PLEC: variants seen among roughly 807,000 people sequenced by gnomAD.
PLEC encodes the protein hemidesmosomal protein 1.
In PLEC, 216 loss-of-function variants were observed where a neutral mutation model predicts 392.8. The ratio of observed to expected loss-of-function variants is 0.55; its 90% CI spans 0.49 to 0.62. The LOEUF (loss-of-function observed/expected upper bound fraction) is 0.62, where lower values mean the gene tolerates loss of function less well. PLEC is among the 20% of genes least tolerant of loss of function. The pLI is 0.00. For synonymous variants in PLEC, 3,621 were observed against 2,980.6 expected, an observed-to-expected ratio of 1.21 and a Z score of -7.00; for missense variants, 6,863 against 6,563.4, an observed-to-expected ratio of 1.05 and a Z score of -1.58.
At position 143,920,364 on chromosome 8, in the gene PLEC, G is replaced by A. The variant is rs1554681520; in HGVS notation, c.9457C>T (p.Pro3153Ser). The change falls in exon 32 of 32, where the codon CCC (proline) becomes TCC (serine). Residue 3153 changes from proline to serine, a missense_variant. Transcript: ENST00000345136. Reference sequence around the variant, plus strand: ...CCTCGGGCGCAGGCGACATCCAGGGGCACGCGGTGGCTCTTGCTGGGGTCC... The same window carrying A: ...CCTCGGGCGCAGGCGACATCCAGGGACACGCGGTGGCTCTTGCTGGGGTCC... ...IVDPSKSHRV[P>S]LDVACARGCL... The A allele has an allele frequency of 4.4e-6, 7 of 1,593,652 alleles. No homozygotes were observed. The highest frequency in any genetic ancestry group is 3.4e-5 in the Admixed American group (2 of 58,534).
intron 1 of PLEC, chr8:143,946,506 C>T: frequency 1.4e-6 from 1 of 724,710 alleles, no homozygotes. Context: ...GTAGCAGCGG[C>T]TCCTCCTCGC....
chr8:143,950,107 C>T, intron 1 of PLEC: 2 of 1,446,178 alleles, frequency 1.4e-6, no homozygotes, highest in East Asian at 2.5e-5. Flanking sequence ...CCACTCCAGC[C>T]CAGGCCCAGG....
chr8:143,971,153 T>G (rs1191656941), intron 1 of PLEC, among the ~76,000 whole-genome samples: 1 of 148,790 alleles, frequency 6.7e-6, no homozygotes, highest in African/African-American at 2.5e-5. Context: ...CGTTGTGGGG[T>G]GGGGGGTGAA....
chr8:143,946,407 C>T (rs1554732240), intron 1 of PLEC: 1 of 1,287,322 alleles, frequency 7.8e-7, no homozygotes, highest in Non-Finnish European at 1.0e-6. Context: ...GCCACACAGG[C>T]CAGGCTGCTC....
rs1554670494 is a variant in PLEC, at chr8:143,916,937, G to C, written c.12884C>G (p.Thr4295Ser). The C allele has an allele frequency of 1.2e-6, 2 of 1,612,866 alleles. No homozygotes were observed. Among genetic ancestry groups the C allele is most frequent in the Admixed American group, 1.7e-5 (1 of 60,028 alleles). The change falls in exon 32 of 32, where the codon ACC becomes AGC. Residue 4295 changes from threonine to serine, a missense_variant. Coordinates refer to ENST00000345136, the MANE Select transcript of PLEC (RefSeq NM_201384.3). ...CACCAGGTTCCGGTGCATGGCCTCGGTGATGGACACCTTCTCCAGCGTCTC... is the reference window on the plus strand; with the variant it reads ...CACCAGGTTCCGGTGCATGGCCTCGCTGATGGACACCTTCTCCAGCGTCTC... ...DTETLEKVSI[T>S]EAMHRNLVDN...
At chr8:143,933,919 C>G in intron 12 of PLEC, 79 bp downstream of exon 12, 1 of 1,309,436 alleles carries the variant, frequency 7.6e-7, no homozygotes, top group Admixed American at 1.9e-5. Context: ...GGACAGCCCC[C>G]TCCTGGCTTT....
chr8:143,934,581 T>C (rs1828448608), intron 10 of PLEC, 54 bp downstream of exon 10: 6 of 1,601,998 alleles, frequency 3.7e-6, no homozygotes, highest in Non-Finnish European at 5.1e-6. Context: ...GGAAGAACCT[T>C]TCAGGCCTGG....
chr8:143,926,015 C>G (rs1554704806), intron 30 of PLEC, 131 bp from the exon 31 acceptor site: 1 of 1,068,856 alleles, frequency 9.4e-7, no homozygotes, highest in African/African-American at 1.5e-5. Context: ...AGGCCCCAGC[C>G]CGGCGGAGGA....
upstream of PLEC, chr8:143,950,911 AATCCCTGCC>A (rs1832081930): frequency 3.6e-6 from 4 of 1,114,582 alleles, no homozygotes; most frequent in Admixed American, 6.2e-5. Context: ...GGCTCCGTGC[AATCCCTGCC>A]GGCACTGCCG....
upstream of PLEC, chr8:143,958,635 C>T (rs1290542945): frequency 4.4e-6 from 2 of 451,464 alleles, no homozygotes; most frequent in Non-Finnish European, 8.9e-6. The surrounding 1 kb of genome is among the most constrained non-coding windows in gnomAD (Gnocchi z 4.9). Context: ...TCTCCGAGCA[C>T]AAGCAGGTCC....
chr8:143,920,760 G>A lies in PLEC; in HGVS notation c.9061C>T (p.Arg3021Trp), dbSNP rs782202018. ...AEVDTVRRAL[R>W]GANVIAGVWL... ...ACACCCGCGATGACGTTGGCACCCC[G>A]GAGAGCCCGCCGCACAGTGTCCACC... is the stretch of plus-strand genomic sequence containing the variant. The change falls in exon 32 of 32, where the codon CGG becomes TGG. Residue 3021 changes from arginine to tryptophan, a missense_variant. Physicochemically the swap from Arg to Trp is moderately radical, Grantham distance 101. Transcript: ENST00000345136. 25 of 1,605,740 alleles carry A rather than the reference G, an allele frequency of 1.6e-5. No individual in the cohort carries two copies. The highest frequency in any genetic ancestry group is 1.1e-4 in the East Asian group (5 of 44,886).
In PLEC at chr8:143,924,015, G is replaced by A; in HGVS notation, c.5914C>T (p.Gln1972Ter). The change falls in exon 31 of 32, where the codon CAG becomes TAG. Residue 1972 changes from glutamine (Q) to a stop codon, truncating the protein, a stop_gained. Transcript: ENST00000345136. LOFTEE classifies it high-confidence loss of function. ...TCCTCCTCCGCCGCCAGCTGCCGCTGCCTCGCAGCCTCCAGCTCGGCCTGC... is the reference window on the plus strand; with the variant it reads ...TCCTCCTCCGCCGCCAGCTGCCGCTACCTCGCAGCCTCCAGCTCGGCCTGC... ...KEQAELEAAR[Q>*]RQLAAEEERR... 1 of 1,589,062 alleles carries A rather than the reference G, an allele frequency of 6.3e-7. No homozygotes were observed. The highest frequency in any genetic ancestry group is 1.1e-5 in the South Asian group (1 of 90,040).
chr8:143,920,641 G>C lies in PLEC; in HGVS notation c.9180C>G (p.Ala3060=). ...PSDMAVALLE[A]QAGTGHIIDP... ...CGATGATGTGCCCGGTGCCGGCCTG[G>C]GCTTCCAACAGGGCCACGGCCATGT... Residue 3060 remains alanine (A), a synonymous_variant, in exon 32 of 32, where the codon GCC becomes GCG. Transcript: ENST00000345136. The C allele has an allele frequency of 6.2e-7, 1 of 1,605,650 alleles. No individual in the cohort carries two copies.
At chr8:143,970,331 T>C (rs1226440023) in intron 1 of PLEC, among the ~76,000 whole-genome samples, 3 of 150,428 alleles carry the variant, frequency 2.0e-5, no homozygotes, top group East Asian at 3.9e-4. Flanking sequence ...GGTGGAAGTA[T>C]ACAAAGAAAA....
chr8:143,960,710 A>G (rs187788818), intron 1 of PLEC, among the ~76,000 whole-genome samples: 469 of 152,178 alleles, frequency 3.1e-3, no homozygotes, highest in Non-Finnish European at 6.0e-3. Context: ...TATTCACGTG[A>G]CTCAAACACT....
At position 143,924,830 on chromosome 8, in the gene PLEC, A is replaced by G; in HGVS notation, c.5099T>C (p.Leu1700Pro). The G allele has an allele frequency of 6.4e-7, 1 of 1,559,436 alleles. No homozygotes were observed. The change falls in exon 31 of 32, where the codon CTG becomes CCG. Residue 1700 changes from leucine to proline, a missense_variant. By Grantham distance (98) the Leu-to-Pro change is moderately conservative. Coordinates refer to ENST00000345136, the MANE Select transcript of PLEC (RefSeq NM_201384.3). ...AEQELEKQRQ[L>P]AEGTAQQRLA... The stretch of plus-strand genomic sequence containing the variant: ...GCGCTGCTGCGCGGTGCCTTCCGCC[A>G]GCTGCCGCTGCTTCTCCAGCTCTTG...
chr8:143,921,139 C>T lies in PLEC; in HGVS notation c.8682G>A (p.Leu2894=), dbSNP rs369984250. The part of the protein sequence containing the change: ...LTDKAAKGGE[L]VYTDSEARDV... ...CCCGGGCCTCGGAGTCAGTGTAGAC[C>T]AGCTCCCCGCCCTTGGCAGCCTTAT... The change falls in exon 32 of 32, where the codon CTG becomes CTA. Residue 2894 remains leucine (L), a synonymous_variant. Coordinates refer to ENST00000345136, the MANE Select transcript of PLEC (RefSeq NM_201384.3). 32 of 1,613,226 alleles carry T rather than the reference C, an allele frequency of 2.0e-5. No individual in the cohort carries two copies. In the African/African-American group the frequency reaches 3.2e-4, roughly 16 times the overall value.
In PLEC at chr8:143,920,546, T is replaced by G. The variant is rs1554682159; in HGVS notation, c.9275A>C (p.His3092Pro). 6.2e-7 allele frequency: 1 copy of G among 1,611,390 alleles called. No individual in the cohort carries two copies. Among genetic ancestry groups the G allele is most frequent in the African/African-American group, 1.3e-5 (1 of 74,918 alleles). ...CTTCTCGGCTGATAGCAGCTTCTCA[T>G]GAAACTCGGGGCCCACCAGGCCAGC... is the stretch of plus-strand genomic sequence containing the variant. The part of the protein sequence containing the change: ...VRAGLVGPEF[H>P]EKLLSAEKAV... The change falls in exon 32 of 32, where the codon CAT becomes CCT. Residue 3092 changes from histidine to proline, a missense_variant. Coordinates refer to ENST00000345136, the MANE Select transcript of PLEC (RefSeq NM_201384.3).
chr8:143,941,603 C>T (rs1830465404), upstream of PLEC, among the ~76,000 whole-genome samples: 1 of 152,144 alleles, frequency 6.6e-6, no homozygotes, highest in South Asian at 2.1e-4. Context: ...GCTCCCCTTC[C>T]CTACTTCCTG....
Sources: gnomAD v4.1 joint callset for allele counts (sites outside exome capture counted in the v4.1 genomes callset) on GRCh38, gnomAD v4.1.1 for gene constraint, Gnocchi (gnomAD v3.1) non-coding constraint, MANE v1.5 for transcripts, NCBI Gene and HGNC (gene_info 2026-07-23, HGNC 2026-07-21) for gene names.